GRID2: variants seen among roughly 807,000 people sequenced by gnomAD.
The protein encoded by GRID2 is glutamate ionotropic receptor delta type subunit 2.
GRID2 carries 33 observed loss-of-function variants against 114.8 expected under a neutral mutation model. The ratio of observed to expected loss-of-function variants is 0.29; its 90% CI spans 0.22 to 0.38. The LOEUF is 0.38. GRID2 is among the 10% of genes least tolerant of loss of function. GRID2 has a pLI of 1.00. For synonymous variants in GRID2, 505 were observed against 449.9 expected (o/e 1.12, Z -1.55); for missense variants, 1,184 against 1,257.7 (o/e 0.94, Z 0.89).
At chr4:93,486,305 T>G (rs982986253) in intron 11 of GRID2, among the ~76,000 whole-genome samples, 1 of 151,650 alleles carries the variant, frequency 6.6e-6, no homozygotes, top group East Asian at 1.9e-4. Flanking sequence ...ATCCGTAACT[T>G]TTGTTTCATT....
chr4:92,844,950 T>C (rs1578290807), intron 2 of GRID2, among the ~76,000 whole-genome samples: 1 of 152,140 alleles, frequency 6.6e-6, no homozygotes, highest in Admixed American at 6.6e-5. Context: ...ACTTGTATAA[T>C]AATAAATTTG....
intron 13 of GRID2, among the ~76,000 whole-genome samples, chr4:93,538,669 A>G (rs1464483228): frequency 6.6e-6 from 1 of 151,764 alleles, no homozygotes; most frequent in East Asian, 1.9e-4. Flanking sequence ...TATTCTTTCA[A>G]AAAAATTCAT....
intron 8 of GRID2, among the ~76,000 whole-genome samples, chr4:93,392,904 T>A (rs1348706470): frequency 6.6e-6 from 1 of 152,050 alleles, no homozygotes; most frequent in Non-Finnish European, 1.5e-5. Context: ...TCCTTAGTTT[T>A]CTTGTCTGTT....
intron 8 of GRID2, among the ~76,000 whole-genome samples, chr4:93,275,534 T>C (rs1751961837): frequency 6.6e-6 from 1 of 151,752 alleles, no homozygotes. Flanking sequence ...AAAGTGACCA[T>C]ACTGTTTAGT....
intron 8 of GRID2, among the ~76,000 whole-genome samples, chr4:93,255,555 T>C (rs1456482742): frequency 6.6e-6 from 1 of 152,116 alleles, no homozygotes; most frequent in Non-Finnish European, 1.5e-5. Context: ...GTGGACCTTT[T>C]ATGAATAGAT....
intron 8 of GRID2, among the ~76,000 whole-genome samples, chr4:93,278,206 C>T (rs989751458): frequency 6.6e-6 from 1 of 151,432 alleles, no homozygotes; most frequent in African/African-American, 2.4e-5. Flanking sequence ...GATAGTATTG[C>T]TCATGTTAAA....
intron 2 of GRID2, among the ~76,000 whole-genome samples, chr4:92,962,461 T>A (rs1206898608): frequency 2.6e-5 from 4 of 151,830 alleles, no homozygotes; most frequent in East Asian, 3.9e-4. Flanking sequence ...GGGCTGACGT[T>A]GAGTATTTTC....
intron 1 of GRID2, among the ~76,000 whole-genome samples, chr4:92,527,254 G>C (rs911823102): frequency 2.6e-5 from 4 of 152,086 alleles, no homozygotes; most frequent in African/African-American, 9.7e-5. Flanking sequence ...AAATGATTCT[G>C]ATTACATTAC....
chr4:93,143,430 C>T (rs985190991), intron 4 of GRID2, among the ~76,000 whole-genome samples: 1 of 151,926 alleles, frequency 6.6e-6, no homozygotes, highest in African/African-American at 2.4e-5. Flanking sequence ...ATATAGGAGG[C>T]CAATATGGCA....
chr4:93,371,306 A>C (rs956178060), intron 8 of GRID2, among the ~76,000 whole-genome samples: 1 of 152,156 alleles, frequency 6.6e-6, no homozygotes, highest in Non-Finnish European at 1.5e-5. Context: ...CAGATGCTCA[A>C]GCAATGCCAT....
At chr4:93,048,940 A>T (rs1164424681) in intron 2 of GRID2, among the ~76,000 whole-genome samples, 1 of 152,088 alleles carries the variant, frequency 6.6e-6, no homozygotes, top group African/African-American at 2.4e-5. Flanking sequence ...GACAAATGTT[A>T]AATATGGCCC....
intron 2 of GRID2, among the ~76,000 whole-genome samples, chr4:92,862,250 TA>T (rs1744580258): frequency 6.6e-6 from 1 of 152,032 alleles, no homozygotes; most frequent in South Asian, 2.1e-4. Context: ...ATTTACCTCA[TA>T]TTTTGCTACC....
intron 2 of GRID2, among the ~76,000 whole-genome samples, chr4:92,910,741 A>G (rs1748312299): frequency 6.6e-6 from 1 of 152,148 alleles, no homozygotes. Flanking sequence ...ATGGTGTGGC[A>G]CTTGCATATA....
chr4:93,025,993 A>G (rs1723850428), intron 2 of GRID2, among the ~76,000 whole-genome samples: 1 of 151,798 alleles, frequency 6.6e-6, no homozygotes, highest in Non-Finnish European at 1.5e-5. Flanking sequence ...TATTATATTC[A>G]TTACTTAGAA....
chr4:92,763,137 G>A (rs982721595), intron 2 of GRID2, among the ~76,000 whole-genome samples: 5 of 152,060 alleles, frequency 3.3e-5, no homozygotes, highest in Admixed American at 2.6e-4. Context: ...TTTTACTTTT[G>A]CTATTGTAAC....
At chr4:93,733,449 A>G (rs1730661726) in intron 14 of GRID2, among the ~76,000 whole-genome samples, 1 of 152,154 alleles carries the variant, frequency 6.6e-6, no homozygotes, top group South Asian at 2.1e-4. Flanking sequence ...TGCTTCTGAA[A>G]TGGCCTGCCT....
chr4:93,684,151 G>A (rs1034771026), intron 14 of GRID2, among the ~76,000 whole-genome samples: 3 of 152,040 alleles, frequency 2.0e-5, no homozygotes, highest in Non-Finnish European at 4.4e-5. Flanking sequence ...TTGGATAATA[G>A]CATATTAGAT....
chr4:92,582,217 T>C (rs971478822), intron 1 of GRID2, among the ~76,000 whole-genome samples: 1 of 151,864 alleles, frequency 6.6e-6, no homozygotes, highest in Non-Finnish European at 1.5e-5. Context: ...TTTTATTTTA[T>C]ATTTTATTGT....
chr4:93,068,155 A>G (rs1728476505), intron 2 of GRID2, among the ~76,000 whole-genome samples: 1 of 152,076 alleles, frequency 6.6e-6, no homozygotes, highest in Non-Finnish European at 1.5e-5. Flanking sequence ...ATTTTATGCT[A>G]AGCTATACTT....
Sources: allele counts gnomAD v4.1 joint callset (sites outside exome capture counted in the v4.1 genomes callset), GRCh38; gene constraint gnomAD v4.1.1; transcripts MANE v1.5; gene names NCBI Gene and HGNC (gene_info 2026-07-23, HGNC 2026-07-21).